FBXL7: variants seen among roughly 807,000 people sequenced by gnomAD.
FBXL7 encodes F-box and leucine rich repeat protein 7, also known as F-box/LRR-repeat protein 7.
A neutral mutation model predicts 38.3 loss-of-function variants in FBXL7; 12 were observed. The ratio of observed to expected loss-of-function variants is 0.31; its 90% CI spans 0.20 to 0.51. FBXL7 has a LOEUF of 0.51. Ranked by LOEUF, FBXL7 falls within the 20% of genes least tolerant of loss-of-function variation. The pLI, the probability that FBXL7 is intolerant of heterozygous loss-of-function variation, is 0.98. For missense variants in FBXL7, 567 were observed against 676.4 expected (o/e 0.84, Z 1.79); for synonymous variants, 297 against 300.9 (o/e 0.99, Z 0.13).
chr5:15,650,348 T>G (rs1185756231), intron 2 of FBXL7, among the ~76,000 whole-genome samples: 1 of 152,232 alleles, frequency 6.6e-6, no homozygotes, highest in African/African-American at 2.4e-5. Context: ...AATTTTAAAA[T>G]ACTTTATTGC....
rs563257517 is a variant in FBXL7 at position 15,520,644 on chromosome 5, A to C, written c.37+19931A>C. ...AGATAGCTGAATTAAAAGGTGGTAC[A>C]TAAGTAGTGATCAAGTTTCCTAACG... On this transcript the variant is annotated intron_variant, in intron 1 of 3. Coordinates refer to ENST00000504595, the MANE Select transcript of FBXL7 (RefSeq NM_012304.5). Among the ~76,000 whole-genome samples, 7 of 152,372 alleles carry C rather than the reference A, an allele frequency of 4.6e-5. No individual in the cohort carries two copies. In the South Asian group the frequency reaches 1.4e-3, roughly 32 times the overall value.
chr5:15,554,634 G>C (rs549270927), intron 1 of FBXL7, among the ~76,000 whole-genome samples: 38 of 152,298 alleles, frequency 2.5e-4, no homozygotes, highest in Non-Finnish European at 2.9e-5. Context: ...TTTACAAAGG[G>C]AGAGCCTCAG....
intron 2 of FBXL7, among the ~76,000 whole-genome samples, chr5:15,697,543 T>C (rs1029808618): frequency 6.6e-6 from 1 of 151,860 alleles, no homozygotes; most frequent in African/African-American, 2.4e-5. Context: ...GATAATACGT[T>C]GAATGGGCAG....
chr5:15,580,561 C>CTCTTTTAGTCTTTAAACAAA (rs1358179242), intron 1 of FBXL7: 4 of 930,718 alleles, frequency 4.3e-6, no homozygotes. Flanking sequence ...AGAAGCCACT[C>CTCTTTTAGTCTTTAAACAAA]TCTTTTAGTC....
chr5:15,694,875 C>T (rs1743286820), intron 2 of FBXL7, among the ~76,000 whole-genome samples: 1 of 152,146 alleles, frequency 6.6e-6, no homozygotes, highest in Non-Finnish European at 1.5e-5. Context: ...GTTCCACTGC[C>T]AGCTAGAAGA....
At chr5:15,510,322 A>G (rs1054352307) in intron 1 of FBXL7, among the ~76,000 whole-genome samples, 1 of 152,202 alleles carries the variant, frequency 6.6e-6, no homozygotes, top group South Asian at 2.1e-4. Context: ...AATTTCTCTG[A>G]TATTTGTGGA....
intron 1 of FBXL7, among the ~76,000 whole-genome samples, chr5:15,581,954 T>C (rs1315013908): frequency 1.3e-5 from 2 of 152,148 alleles, no homozygotes. Context: ...ATTTCTTTTT[T>C]TGAAACAGGA....
intron 3 of FBXL7, chr5:15,935,157 A>G (rs1281952129): frequency 3.7e-6 from 2 of 534,722 alleles, no homozygotes; most frequent in Admixed American, 3.9e-5. Flanking sequence ...GAATGAGGTA[A>G]AAGATGCCGT....
intron 2 of FBXL7, among the ~76,000 whole-genome samples, chr5:15,655,278 T>A (rs1315245222): frequency 3.9e-5 from 6 of 152,084 alleles, no homozygotes; most frequent in Admixed American, 2.0e-4. Flanking sequence ...GGTGAATCAC[T>A]TGAGGTCAGG....
chr5:15,658,635 T>A (rs992527162), intron 2 of FBXL7, among the ~76,000 whole-genome samples: 1 of 152,038 alleles, frequency 6.6e-6, no homozygotes, highest in Non-Finnish European at 1.5e-5. Context: ...CTCCTGTCCT[T>A]TTTAAGGGCT....
intron 1 of FBXL7, among the ~76,000 whole-genome samples, chr5:15,613,917 T>G (rs1052082632): frequency 1.3e-5 from 2 of 152,152 alleles, no homozygotes; most frequent in Admixed American, 1.3e-4. Flanking sequence ...GAGGATGCAC[T>G]TCCTACTTTA....
At chr5:15,615,109 A>G (rs1318775296) in intron 1 of FBXL7, among the ~76,000 whole-genome samples, 1 of 152,146 alleles carries the variant, frequency 6.6e-6, no homozygotes, top group Non-Finnish European at 1.5e-5. Flanking sequence ...TTTCTCCATC[A>G]CTGGGCAGTA....
intron 2 of FBXL7, among the ~76,000 whole-genome samples, chr5:15,728,185 T>C (rs1735477833): frequency 6.6e-6 from 1 of 152,190 alleles, no homozygotes. Context: ...TTTAAAGTCT[T>C]TGCCTAGTAT....
At chr5:15,833,206 T>C (rs567363235) in intron 2 of FBXL7, among the ~76,000 whole-genome samples, 4 of 152,300 alleles carry the variant, frequency 2.6e-5, no homozygotes, top group African/African-American at 7.2e-5. Context: ...CTACTTCTTA[T>C]AGTTCTGGAA....
At chr5:15,684,432 C>T (rs1742949117) in intron 2 of FBXL7, among the ~76,000 whole-genome samples, 1 of 152,060 alleles carries the variant, frequency 6.6e-6, no homozygotes, top group Non-Finnish European at 1.5e-5. Flanking sequence ...GACAGCAAGA[C>T]CAATTTTAGG....
chr5:15,511,635 G>T (rs1414444509), intron 1 of FBXL7, among the ~76,000 whole-genome samples: 1 of 152,146 alleles, frequency 6.6e-6, no homozygotes, highest in Non-Finnish European at 1.5e-5. Context: ...GATTATTTTT[G>T]TGAAATTGCT....
At chr5:15,516,942 A>G (rs566530771) in intron 1 of FBXL7, among the ~76,000 whole-genome samples, 2 of 152,312 alleles carry the variant, frequency 1.3e-5, no homozygotes, top group Admixed American at 1.3e-4. Flanking sequence ...TAAATTACCT[A>G]GTCTTGGGTA....
At chr5:15,662,634 C>A (rs954459104) in intron 2 of FBXL7, among the ~76,000 whole-genome samples, 1 of 152,110 alleles carries the variant, frequency 6.6e-6, no homozygotes, top group Non-Finnish European at 1.5e-5. Flanking sequence ...CAGTTTTGGG[C>A]TTTACATTGA....
intron 2 of FBXL7, among the ~76,000 whole-genome samples, chr5:15,742,297 G>A (rs1232274388): frequency 2.0e-5 from 3 of 152,242 alleles, no homozygotes; most frequent in Middle Eastern, 3.4e-3. Flanking sequence ...TAGAGTCTGG[G>A]GAAGGAGCAA....
Sources: allele counts gnomAD v4.1 joint callset (sites outside exome capture counted in the v4.1 genomes callset), GRCh38; gene constraint gnomAD v4.1.1; transcripts MANE v1.5; gene names NCBI Gene and HGNC (gene_info 2026-07-23, HGNC 2026-07-21).